ERP44: variants seen among roughly 807,000 people sequenced by gnomAD.
ERP44 encodes endoplasmic reticulum resident protein 44.
In ERP44, 25 loss-of-function variants were observed where a neutral mutation model predicts 53.4. The ratio of observed to expected loss-of-function variants is 0.47; its 90% CI spans 0.34 to 0.65. The LOEUF (loss-of-function observed/expected upper bound fraction) is 0.65, where lower values mean the gene tolerates loss of function less well. Among genes scored for constraint, ERP44 ranks in the 30% least tolerant of loss-of-function variants. The pLI is 0.01. For missense variants in ERP44, 338 were observed against 493.2 expected (o/e 0.69, Z 2.98); for synonymous variants, 145 against 161.2 (o/e 0.90, Z 0.76).
chr9:100,076,349 T>C (rs1362946082), intron 1 of ERP44, among the ~76,000 whole-genome samples: 1 of 152,220 alleles, frequency 6.6e-6, no homozygotes, highest in Non-Finnish European at 1.5e-5. Context: ...CCTGCCACCC[T>C]GCCTTCTCTT....
intron 1 of ERP44, among the ~76,000 whole-genome samples, chr9:100,083,975 C>T (rs923242276): frequency 2.0e-5 from 3 of 151,188 alleles, no homozygotes; most frequent in Non-Finnish European, 4.4e-5. Context: ...CAAGAGAAAA[C>T]AGTCAGATAC....
chr9:100,095,050 C>G (rs1268855373), intron 1 of ERP44, among the ~76,000 whole-genome samples: 1 of 150,874 alleles, frequency 6.6e-6, no homozygotes, highest in Non-Finnish European at 1.5e-5. Flanking sequence ...TTAGACTTAT[C>G]CAAATATAGT....
At chr9:100,097,566 GT>G (rs1186815995) in intron 1 of ERP44, among the ~76,000 whole-genome samples, 1 of 152,136 alleles carries the variant, frequency 6.6e-6, no homozygotes, top group Non-Finnish European at 1.5e-5. Context: ...GTCATTCACT[GT>G]TGTATACTTA....
At chr9:100,020,575 G>C (rs369253193) in intron 6 of ERP44, 41 bp downstream of exon 6, 2 of 1,020,776 alleles carry the variant, frequency 2.0e-6, no homozygotes, top group Non-Finnish European at 3.1e-6. Context: ...TAACATGGCA[G>C]CCAACCAACC....
chr9:99,984,229 G>A (rs1218032975), intron 11 of ERP44, among the ~76,000 whole-genome samples: 3 of 151,916 alleles, frequency 2.0e-5, no homozygotes, highest in Non-Finnish European at 2.9e-5. Flanking sequence ...CAAAATAATG[G>A]ATTTAAGTTC....
chr9:100,086,305 G>T (rs779496605), intron 1 of ERP44, among the ~76,000 whole-genome samples: 16 of 152,076 alleles, frequency 1.1e-4, no homozygotes, highest in South Asian at 4.1e-4. Context: ...TTTTGATAAG[G>T]CTATGTCATA....
chr9:100,081,771 G>A (rs769798141), intron 1 of ERP44, among the ~76,000 whole-genome samples: 18 of 152,086 alleles, frequency 1.2e-4, no homozygotes, highest in Non-Finnish European at 2.2e-4. Flanking sequence ...ATGTCATTAA[G>A]AACACCATTA....
In ERP44 at chr9:99,999,047, G is replaced by A; in HGVS notation, c.1016+7459C>T. On this transcript the variant is annotated intron_variant, in intron 10 of 11. Coordinates refer to ENST00000262455, the MANE Select transcript of ERP44 (RefSeq NM_015051.3). ...CGCAGCTGCTCCTTGGTGAGGCCCG[G>A]GGCAGGAGGCGGATGACCGCCTGCA... 3.7e-6 allele frequency: 3 copies of A among 806,208 alleles called. No homozygotes were observed. In the South Asian group the frequency reaches 4.3e-5, roughly 12 times the overall value. 49.9% of individuals were successfully genotyped at this position (806,208 alleles called of 1,614,324 possible).
chr9:100,035,842 T>C (rs1399986727), intron 4 of ERP44, among the ~76,000 whole-genome samples: 1 of 151,912 alleles, frequency 6.6e-6, no homozygotes, highest in East Asian at 1.9e-4. Context: ...AAAACCACAA[T>C]GAGATACCAC....
intron 3 of ERP44, among the ~76,000 whole-genome samples, chr9:100,053,249 T>A (rs557421119): frequency 1.3e-5 from 2 of 152,326 alleles, no homozygotes; most frequent in East Asian, 3.9e-4. Context: ...ACATACTAAA[T>A]ACAGTAAGTC....
chr9:99,984,061 A>G (rs1191404999), intron 11 of ERP44, among the ~76,000 whole-genome samples: 1 of 152,202 alleles, frequency 6.6e-6, no homozygotes, highest in African/African-American at 2.4e-5. Context: ...TGCCTCCTAT[A>G]GTTGTTAATT....
At chr9:100,078,140 A>T (rs2118744143) in intron 1 of ERP44, among the ~76,000 whole-genome samples, 1 of 152,350 alleles carries the variant, frequency 6.6e-6, no homozygotes, top group Middle Eastern at 3.4e-3. Context: ...ACGTTTGTGC[A>T]TGTATGTATA....
intron 10 of ERP44, chr9:99,999,140 G>A (rs1475944571): frequency 3.0e-5 from 17 of 573,680 alleles, no homozygotes; most frequent in South Asian, 4.0e-5. Flanking sequence ...AGTGTACCGC[G>A]CTGGGAGGCC....
chr9:99,992,199 G>A (rs1404735237), intron 10 of ERP44, among the ~76,000 whole-genome samples: 1 of 152,022 alleles, frequency 6.6e-6, no homozygotes, highest in East Asian at 1.9e-4. Context: ...CCAAAGCCTG[G>A]CAGAGACACA....
At position 99,988,237 on chromosome 9, in the gene ERP44, A is replaced by G. The variant is rs927786980; in HGVS notation, c.1017-3168T>C. On this transcript the variant is annotated intron_variant, in intron 10 of 11. Coordinates refer to ENST00000262455, the MANE Select transcript of ERP44 (RefSeq NM_015051.3). ...CCCTATATCTTCTTTACATTCTATC[A>G]GTATCTTTCACAGAACAAAAGTTTT... is the stretch of plus-strand genomic sequence containing the variant. Among the ~76,000 whole-genome samples, 6 of 152,212 alleles carry G rather than the reference A, an allele frequency of 3.9e-5. No homozygotes were observed. In the South Asian group the frequency reaches 8.3e-4, roughly 21 times the overall value.
Position 99,981,554 on chromosome 9 carries a change from G to T in ERP44, c.*1058C>A, listed in dbSNP as rs543093937. 4 of 152,578 alleles carry T rather than the reference G, an allele frequency of 2.6e-5. No homozygotes were observed. Among genetic ancestry groups the T allele is most frequent in the Admixed American group, 2.6e-4 (4 of 15,276 alleles). 9.5% of individuals were successfully genotyped at this position (152,578 alleles called of 1,614,324 possible). A position where few individuals can be genotyped will look rare whatever the true frequency, so the allele number is the denominator to read the frequency against. On this transcript the variant is annotated 3_prime_UTR_variant, in exon 12 of 12. Coordinates refer to ENST00000262455, the MANE Select transcript of ERP44 (RefSeq NM_015051.3). ...TGGGCTTCCTGATATGACACTGAGG[G>T]TCCTCTCCCTCTGGTTTTATTCCCT...
At chr9:100,019,132 T>G (rs1830556862) in intron 6 of ERP44, among the ~76,000 whole-genome samples, 1 of 152,158 alleles carries the variant, frequency 6.6e-6, no homozygotes, top group African/African-American at 2.4e-5. Context: ...GAATGACAAA[T>G]TAAATAATGG....
At chr9:100,049,649 C>G (rs577890246) in intron 4 of ERP44, among the ~76,000 whole-genome samples, 32 of 152,156 alleles carry the variant, frequency 2.1e-4, no homozygotes, top group Non-Finnish European at 4.1e-4. Flanking sequence ...CTGGAACTCT[C>G]ATGTACTATT....
intron 4 of ERP44, among the ~76,000 whole-genome samples, chr9:100,044,961 G>A (rs1457187097): frequency 6.6e-6 from 1 of 152,044 alleles, no homozygotes; most frequent in Non-Finnish European, 1.5e-5. Flanking sequence ...ATTTCTATGG[G>A]GAATTCAATT....
Sources: allele counts gnomAD v4.1 joint callset (sites outside exome capture counted in the v4.1 genomes callset), GRCh38; gene constraint gnomAD v4.1.1; transcripts MANE v1.5; gene names NCBI Gene and HGNC (gene_info 2026-07-23, HGNC 2026-07-21).